Variants in CRYZL1 observed in about 807,000 individuals in gnomAD.
CRYZL1 encodes crystallin zeta like 1.
CRYZL1 carries 34 observed loss-of-function variants against 50.6 expected under a neutral mutation model. The ratio of observed to expected loss-of-function variants is 0.67; its 90% confidence interval spans 0.51 to 0.89. The LOEUF is 0.89. CRYZL1 is among the 40% of genes least tolerant of loss of function. The pLI is 0.00. For synonymous variants in CRYZL1, 125 were observed against 134.3 expected (o/e 0.93, Z 0.48); for missense variants, 354 against 402.3 (o/e 0.88, Z 1.03).
intron 1 of CRYZL1, among the ~76,000 whole-genome samples, chr21:33,634,066 T>C (rs1335845186): frequency 6.6e-6 from 1 of 152,224 alleles, no homozygotes; most frequent in Non-Finnish European, 1.5e-5. Flanking sequence ...TCAAGACATA[T>C]ATAGAAATTA....
intron 6 of CRYZL1, among the ~76,000 whole-genome samples, chr21:33,613,266 G>A (rs572989748): frequency 2.0e-5 from 3 of 152,152 alleles, no homozygotes; most frequent in African/African-American, 7.2e-5. Flanking sequence ...AGAGCCAAGA[G>A]AGAAATCACT....
intron 5 of CRYZL1, chr21:33,616,288 T>C (rs554078347): frequency 6.5e-6 from 1 of 153,436 alleles, no homozygotes; most frequent in East Asian, 1.9e-4. Context: ...AGGAAAGCAT[T>C]TCTTTCTTTC....
chr21:33,625,353 C>T (rs2087049193), intron 2 of CRYZL1, among the ~76,000 whole-genome samples: 1 of 152,020 alleles, frequency 6.6e-6, no homozygotes, highest in East Asian at 1.9e-4. Context: ...GACGGGGTTT[C>T]ACTGTGTTAG....
intron 6 of CRYZL1, among the ~76,000 whole-genome samples, chr21:33,609,314 T>A (rs938633188): frequency 5.3e-5 from 8 of 152,160 alleles, no homozygotes; most frequent in Admixed American, 2.0e-4. Context: ...TAAGAGCTCC[T>A]TCTTAAAGTA....
chr21:33,631,498 T>A lies in CRYZL1; in HGVS notation c.54A>T (p.Val18=), dbSNP rs544616859. The change falls in exon 2 of 13, where the codon GTA becomes GTT. Residue 18 remains valine, a synonymous_variant. Coordinates refer to ENST00000381554, the MANE Select transcript of CRYZL1 (RefSeq NM_145858.3). ...CATTTTTTCTTACCTTTTCTTGAAA[T>A]ACAAATGTTATTTCTTCATCTGTGG... ...QSSTDEEITF[V]FQEKEDLPVT... is the part of the protein sequence containing the mutation. 6.6e-7 allele frequency: 1 copy of A among 1,524,532 alleles called. No individual in the cohort carries two copies. Among genetic ancestry groups the A allele is most frequent in the African/African-American group, 1.4e-5 (1 of 69,944 alleles). The allele number at this position is 1,524,532 out of a possible 1,614,324, so 94.4% of individuals were successfully genotyped here. A position where few individuals can be genotyped will look rare whatever the true frequency, so the allele number is the denominator to read the frequency against.
chr21:33,622,101 T>G (rs778844223), intron 3 of CRYZL1, 33 bp from the exon 4 acceptor site: 1 of 1,547,600 alleles, frequency 6.5e-7, no homozygotes, highest in Non-Finnish European at 8.9e-7. Flanking sequence ...AACATACTAT[T>G]GTCAGAAGAA....
chr21:33,620,490 A>G (rs947833058), intron 4 of CRYZL1, among the ~76,000 whole-genome samples: 1 of 151,936 alleles, frequency 6.6e-6, no homozygotes, highest in Non-Finnish European at 1.5e-5. Context: ...TAAAATACCA[A>G]TTGAGTCCTA....
intron 8 of CRYZL1, among the ~76,000 whole-genome samples, chr21:33,600,933 G>GTTTGTT (rs2086747164): frequency 1.7e-5 from 1 of 59,520 alleles, no homozygotes; most frequent in Non-Finnish European, 3.1e-5. Context: ...GGTCCATAAA[G>GTTTGTT]TTTTTTTTTT....
At chr21:33,592,175 C>T (rs1462096100) in intron 11 of CRYZL1, among the ~76,000 whole-genome samples, 3 of 150,388 alleles carry the variant, frequency 2.0e-5, no homozygotes, top group Admixed American at 6.6e-5. Context: ...CAGGGGCCCC[C>T]TCTGTGGCCC....
At chr21:33,641,132 C>A (rs1387810980) in intron 1 of CRYZL1, 2 of 1,548,164 alleles carry the variant, frequency 1.3e-6, no homozygotes, top group African/African-American at 1.4e-5. Context: ...TTCTTAGAAA[C>A]GCAGATGTTC....
intron 4 of CRYZL1, among the ~76,000 whole-genome samples, chr21:33,619,552 A>T (rs989563932): frequency 1.8e-4 from 28 of 151,464 alleles, no homozygotes; most frequent in Non-Finnish European, 3.8e-4. Flanking sequence ...TCGAAGGATA[A>T]TTTTTTTTTC....
At chr21:33,615,743 G>C (rs1343289481) in intron 5 of CRYZL1, among the ~76,000 whole-genome samples, 1 of 152,138 alleles carries the variant, frequency 6.6e-6, no homozygotes, top group African/African-American at 2.4e-5. Flanking sequence ...GATTTCAGTT[G>C]AAACGGTGCA....
intron 8 of CRYZL1, among the ~76,000 whole-genome samples, chr21:33,601,196 C>T (rs757850485): frequency 2.6e-5 from 4 of 151,910 alleles, no homozygotes; most frequent in Non-Finnish European, 5.9e-5. Context: ...CTCGGCCTCC[C>T]AAAGTGCTGG....
At chr21:33,625,789 A>C (rs1467101874) in intron 2 of CRYZL1, among the ~76,000 whole-genome samples, 4 of 151,530 alleles carry the variant, frequency 2.6e-5, no homozygotes, top group Non-Finnish European at 4.4e-5. Context: ...CAGCCCTTAA[A>C]TTTTCTTAAC....
intron 2 of CRYZL1, among the ~76,000 whole-genome samples, chr21:33,628,958 G>A (rs548521271): frequency 1.3e-5 from 2 of 151,934 alleles, no homozygotes; most frequent in South Asian, 2.1e-4. Flanking sequence ...GGCCAGGCGC[G>A]GTGGCTCACG....
intron 6 of CRYZL1, among the ~76,000 whole-genome samples, chr21:33,609,729 C>T (rs1601334799): frequency 6.6e-6 from 1 of 151,736 alleles, no homozygotes; most frequent in African/African-American, 2.4e-5. Flanking sequence ...GAGTCTCGCT[C>T]TATCGCTCTG....
At chr21:33,639,953 G>C (rs568351798) in intron 1 of CRYZL1, 106 of 392,912 alleles carry the variant, frequency 2.7e-4, no homozygotes, top group Non-Finnish European at 4.3e-4. Flanking sequence ...AGCCTCCTGA[G>C]TAGCTGGAAT....
intron 4 of CRYZL1, among the ~76,000 whole-genome samples, chr21:33,619,470 T>C (rs918424112): frequency 7.9e-5 from 12 of 152,256 alleles, no homozygotes; most frequent in African/African-American, 2.2e-4. Flanking sequence ...CCTGCTTCAT[T>C]TTAGGAAGGC....
intron 6 of CRYZL1, among the ~76,000 whole-genome samples, chr21:33,608,491 G>C (rs2086836945): frequency 1.3e-5 from 2 of 152,106 alleles, no homozygotes; most frequent in Admixed American, 1.3e-4. Flanking sequence ...TATCCCTCCT[G>C]TTTAGCTGAG....
Sources: allele counts gnomAD v4.1 joint callset (sites outside exome capture counted in the v4.1 genomes callset), GRCh38; gene constraint gnomAD v4.1.1; transcripts MANE v1.5; gene names NCBI Gene and HGNC (gene_info 2026-07-23, HGNC 2026-07-21).